The following LRP2 variants were observed in gnomAD, a reference collection of about 807,000 sequenced individuals.
The protein encoded by LRP2 is LDL receptor related protein 2.
In LRP2, 172 loss-of-function variants were observed where a neutral mutation model predicts 531.0. That is an observed-to-expected ratio of 0.32 (90% confidence interval 0.29 to 0.37). The LOEUF (loss-of-function observed/expected upper bound fraction) is 0.37. Among genes scored for constraint, LRP2 ranks in the 10% least tolerant of loss-of-function variants. The probability of loss-of-function intolerance (pLI) is 1.00; values close to 1 mark genes in which losing one functional copy is unlikely to be tolerated. For synonymous variants in LRP2, 1,992 were observed against 2,027.6 expected, an observed-to-expected ratio of 0.98 and a Z score of 0.47; for missense variants, 5,167 against 5,868.3, an observed-to-expected ratio of 0.88 and a Z score of 3.90.
rs757194096 is a variant in LRP2, at chr2:169,243,039, G to A, written c.3584C>T (p.Ala1195Val). The change falls in exon 24 of 79, where the codon GCC becomes GTC. Residue 1195 changes from alanine to valine, a missense_variant. Physicochemically the swap from Ala to Val is moderately conservative, Grantham distance 64. Around this residue, in one of 6 missense-constraint regions of LRP2, gnomAD observed 2,811 missense variants for 3,058.0 expected, o/e 0.92. Coordinates refer to ENST00000649046, the MANE Select transcript of LRP2 (RefSeq NM_004525.3). ...LNCTASQFKC[A>V]SGDKCIGVTN... ...GACGCCAATACATTTATCCCCACTG[G>A]CACACTTGAATTGAGAAGCAGTACA... The A allele has an allele frequency of 7.4e-6, 12 of 1,613,752 alleles. No homozygotes were observed. Among genetic ancestry groups the A allele is most frequent in the Non-Finnish European group, 1.0e-5 (12 of 1,179,812 alleles).
At chr2:169,330,227 A>T (rs1045938873) in intron 1 of LRP2, among the ~76,000 whole-genome samples, 3 of 152,306 alleles carry the variant, frequency 2.0e-5, no homozygotes, top group Middle Eastern at 3.4e-3. Context: ...TCCAAGCTGG[A>T]TGTTTCTGAG....
At position 169,292,353 on chromosome 2, in the gene LRP2, A is replaced by C. The variant is rs1157498249; in HGVS notation, c.669T>G (p.Gly223=). The C allele has an allele frequency of 6.2e-7, 1 of 1,613,356 alleles. No individual in the cohort carries two copies. Among genetic ancestry groups the C allele is most frequent in the East Asian group, 2.2e-5 (1 of 44,868 alleles). The change falls in exon 7 of 79, where the codon GGT becomes GGG. Residue 223 remains glycine (G), a synonymous_variant. Coordinates refer to ENST00000649046, the MANE Select transcript of LRP2 (RefSeq NM_004525.3). ...CACTGGGGCAAGTGAACTGGTAACC[A>C]CCGCAGGTCGGATAGTCTGGAATAA... The part of the protein sequence containing the change: ...DEHACNYPTC[G]GYQFTCPSGR...
At chr2:169,149,419 G>A (rs1006154577) in intron 68 of LRP2, among the ~76,000 whole-genome samples, 2 of 152,186 alleles carry the variant, frequency 1.3e-5, no homozygotes, top group Non-Finnish European at 2.9e-5. Context: ...CATGAAATGA[G>A]GAGGTTGTAG....
chr2:169,209,789 T>C (rs928197228), intron 37 of LRP2, 148 bp from the exon 38 acceptor site: 3 of 773,564 alleles, frequency 3.9e-6, no homozygotes, highest in African/African-American at 1.7e-5. Context: ...CCAGTTGCAG[T>C]GAGCAGACCC....
At chr2:169,245,225 A>G (rs1360072638) in intron 21 of LRP2, among the ~76,000 whole-genome samples, 1 of 152,220 alleles carries the variant, frequency 6.6e-6, no homozygotes, top group Non-Finnish European at 1.5e-5. Flanking sequence ...CATTTTACAG[A>G]TAAGGAAATT....
intron 31 of LRP2, among the ~76,000 whole-genome samples, chr2:169,227,957 A>C (rs1689260729): frequency 6.6e-6 from 1 of 152,156 alleles, no homozygotes; most frequent in South Asian, 2.1e-4. Context: ...TGGCTCATTC[A>C]CTTCCAGGCC....
At chr2:169,292,180 A>G (rs1326505985) in intron 7 of LRP2, 73 bp downstream of exon 7, 2 of 1,166,796 alleles carry the variant, frequency 1.7e-6, no homozygotes, top group South Asian at 1.2e-5. Flanking sequence ...TCTAAAAAGG[A>G]AAGGAGAAAA....
chr2:169,237,157 A>G lies in LRP2; in HGVS notation c.4637T>C (p.Leu1546Pro), dbSNP rs760957108. The G allele has an allele frequency of 1.2e-6, 2 of 1,614,052 alleles. No individual in the cohort carries two copies. The highest frequency in any genetic ancestry group is 8.5e-7 in the Non-Finnish European group (1 of 1,179,940). Residue 1546 changes from leucine to proline, a missense_variant, in exon 28 of 79, where the codon CTG becomes CCG. By Grantham distance (98) the Leu-to-Pro change is moderately conservative. Around this residue, in one of 6 missense-constraint regions of LRP2, gnomAD observed 2,811 missense variants for 3,058.0 expected, o/e 0.92. Transcript: ENST00000649046. ...SKIDGSHRTV[L>P]ISKNLTNPRG... The stretch of plus-strand genomic sequence containing the variant: ...TGGATTTGTTAGGTTTTTACTAATC[A>G]GCACAGTCCTGTGGCTCCCATCAAT...
chr2:169,169,521 G>A (rs560597121), intron 60 of LRP2, among the ~76,000 whole-genome samples, 181 bp downstream of exon 60: 13 of 152,088 alleles, frequency 8.5e-5, no homozygotes, highest in African/African-American at 2.9e-4. Context: ...ACACTTGAAC[G>A]GCCATTGTGA....
chr2:169,135,083 A>C (rs1411912751), intron 76 of LRP2, among the ~76,000 whole-genome samples: 1 of 152,204 alleles, frequency 6.6e-6, no homozygotes, highest in Non-Finnish European at 1.5e-5. Context: ...CCAGCCTCAC[A>C]GGCCCATTCT....
At chr2:169,305,756 A>G (rs951788675) in intron 4 of LRP2, among the ~76,000 whole-genome samples, 3 of 152,236 alleles carry the variant, frequency 2.0e-5, no homozygotes, top group Non-Finnish European at 4.4e-5. Flanking sequence ...GACAGACCGC[A>G]TGGACTACAT....
At chr2:169,283,043 C>A (rs1055125903) in intron 9 of LRP2, 42 bp from the exon 10 acceptor site, 3 of 1,609,578 alleles carry the variant, frequency 1.9e-6, no homozygotes, top group Middle Eastern at 1.7e-4. Flanking sequence ...AGGTTATCAG[C>A]ATTTATTAAG....
chr2:169,225,813 C>CCT (rs1689181611), intron 32 of LRP2, among the ~76,000 whole-genome samples: 2 of 152,204 alleles, frequency 1.3e-5, no homozygotes, highest in South Asian at 4.2e-4. Context: ...TTCTTCTCTT[C>CCT]CTCCTTTATA....
At chr2:169,329,809 G>T (rs551874149) in intron 1 of LRP2, among the ~76,000 whole-genome samples, 3 of 152,204 alleles carry the variant, frequency 2.0e-5, no homozygotes, top group African/African-American at 2.4e-5. Context: ...CTACGAACAG[G>T]TTCCATGAGG....
chr2:169,260,641 C>T (rs1197065955), intron 16 of LRP2, among the ~76,000 whole-genome samples: 1 of 152,010 alleles, frequency 6.6e-6, no homozygotes, highest in Non-Finnish European at 1.5e-5. Flanking sequence ...TCATGACCTA[C>T]AGAAAGGCTT....
At chr2:169,339,824 A>G (rs1685515989) in intron 1 of LRP2, among the ~76,000 whole-genome samples, 1 of 152,218 alleles carries the variant, frequency 6.6e-6, no homozygotes, top group African/African-American at 2.4e-5. Flanking sequence ...CATCTCACAA[A>G]AGGAAAAGTC....
chr2:169,331,131 C>A (rs1574265596), intron 1 of LRP2, among the ~76,000 whole-genome samples: 1 of 152,274 alleles, frequency 6.6e-6, no homozygotes, highest in Non-Finnish European at 1.5e-5. Context: ...ACACAAGCAT[C>A]TGAAATCCTC....
intron 1 of LRP2, among the ~76,000 whole-genome samples, chr2:169,350,974 G>T (rs1685831519): frequency 6.6e-6 from 1 of 152,140 alleles, no homozygotes; most frequent in South Asian, 2.1e-4. Flanking sequence ...ACAGGATGAG[G>T]CCACCAAGGA....
intron 19 of LRP2, 137 bp downstream of exon 19, chr2:169,255,969 A>G: frequency 1.4e-6 from 1 of 720,194 alleles, no homozygotes; most frequent in Non-Finnish European, 2.1e-6. Flanking sequence ...GTCTAAATAT[A>G]TAGCACCATT....
Sources: gnomAD v4.1 joint callset for allele counts (sites outside exome capture counted in the v4.1 genomes callset) on GRCh38, gnomAD v4.1.1 for gene constraint, gnomAD v4.1.1 regional missense constraint, MANE v1.5 for transcripts, NCBI Gene and HGNC (gene_info 2026-07-23, HGNC 2026-07-21) for gene names.